The following MSN variants were observed in gnomAD, a reference collection of about 807,000 sequenced individuals.
The protein encoded by MSN is epididymis luminal protein 70.
In MSN, 2 loss-of-function variants were observed where a neutral mutation model predicts 48.0. That is an observed-to-expected ratio of 0.04 (90% CI 0.02 to 0.13). The LOEUF is 0.13. Ranked by LOEUF, MSN falls within the 10% of genes least tolerant of loss-of-function variation. MSN has a pLI of 1.00. For missense variants in MSN, 267 were observed against 470.1 expected, an observed-to-expected ratio of 0.57 and a Z score of 3.99; for synonymous variants, 146 against 166.9, an observed-to-expected ratio of 0.87 and a Z score of 0.97.
At chrX:65,713,933 C>T (rs1351210688) in intron 1 of MSN, among the ~76,000 whole-genome samples, 1 of 111,433 alleles carries the variant, frequency 9.0e-6, no homozygotes, top group Non-Finnish European at 1.9e-5. Context: ...GTGTGCACCA[C>T]CTTGCCTGGC....
In MSN at chrX:65,703,097, C is replaced by T. The variant is rs2071325053; in HGVS notation, c.13-13721C>T. 2.7e-5 allele frequency among the ~76,000 whole-genome samples: 3 copies of T among 111,541 alleles called. No individual in the cohort carries two copies. In the South Asian group the frequency reaches 1.1e-3, roughly 42 times the overall value. On this transcript the variant is annotated intron_variant, in intron 1 of 12. Coordinates refer to ENST00000360270, the MANE Select transcript of MSN (RefSeq NM_002444.3). ...TCTTTAGAGGTCTTCTTGGGCAGCCCCTAGCCCTCTGTAGTGAAACAGGTT... is the reference window on the plus strand; with the variant it reads ...TCTTTAGAGGTCTTCTTGGGCAGCCTCTAGCCCTCTGTAGTGAAACAGGTT...
chrX:65,635,115 T>C (rs2070589024), intron 1 of MSN, among the ~76,000 whole-genome samples: 1 of 112,100 alleles, frequency 8.9e-6, no homozygotes, highest in African/African-American at 3.2e-5. Flanking sequence ...TCTTGTCCGC[T>C]GTATTCTTTC....
chrX:65,736,760 T>C, intron 8 of MSN, 35 bp from the exon 9 acceptor site: 1 of 1,160,278 alleles, frequency 8.6e-7, no homozygotes, highest in Non-Finnish European at 1.2e-6. Flanking sequence ...TGGAGCGTTG[T>C]TATCCTGTTC....
At chrX:65,627,653 C>T (rs1248202546) in intron 1 of MSN, among the ~76,000 whole-genome samples, 1 of 110,623 alleles carries the variant, frequency 9.0e-6, no homozygotes, top group African/African-American at 3.3e-5. Context: ...TATCATTTTG[C>T]CCCAGTCCCC....
At chrX:65,638,247 G>T (rs911239882) in intron 1 of MSN, among the ~76,000 whole-genome samples, 1 of 112,158 alleles carries the variant, frequency 8.9e-6, no homozygotes, top group African/African-American at 3.2e-5. Flanking sequence ...GTACATGCTG[G>T]TCCCTCTGCC....
chrX:65,704,370 C>T (rs915309640), intron 1 of MSN, among the ~76,000 whole-genome samples: 3 of 112,190 alleles, frequency 2.7e-5, no homozygotes, highest in African/African-American at 3.2e-5. Context: ...AATTCCCTTC[C>T]TCTTTCTCTG....
At chrX:65,665,051 T>C (rs12387536), upstream of MSN, among the ~76,000 whole-genome samples, 23,554 of 110,229 alleles carry the variant, frequency 0.21, 6,247 homozygotes, top group African/African-American at 0.74. Flanking sequence ...CACCTGGTCC[T>C]TGTTTCCCTT....
intron 1 of MSN, among the ~76,000 whole-genome samples, chrX:65,607,748 C>G (rs1399698153): frequency 1.8e-5 from 2 of 110,955 alleles, no homozygotes; most frequent in Non-Finnish European, 3.8e-5. Flanking sequence ...CAATTCTGCC[C>G]TATCCTGAGC....
chrX:65,670,145 T>A (rs1439429535), intron 1 of MSN, among the ~76,000 whole-genome samples: 3 of 112,175 alleles, frequency 2.7e-5, no homozygotes, highest in Non-Finnish European at 5.6e-5. Context: ...AGGTGCCTTC[T>A]GTTACTTTTC....
chrX:65,724,147 CTT>C (rs761089353), intron 2 of MSN, among the ~76,000 whole-genome samples: 10 of 99,136 alleles, frequency 1.0e-4, no homozygotes, highest in Non-Finnish European at 1.2e-4. Flanking sequence ...CTCTCTCTCT[CTT>C]TTTTTTTTTT....
At chrX:65,609,194 G>A in intron 1 of MSN, among the ~76,000 whole-genome samples, 1 of 107,274 alleles carries the variant, frequency 9.3e-6, no homozygotes, top group Non-Finnish European at 1.9e-5. Flanking sequence ...AAGCCAATCA[G>A]ACAGGCCTGG....
intron 1 of MSN, among the ~76,000 whole-genome samples, chrX:65,639,887 T>C (rs1010348363): frequency 3.6e-5 from 4 of 111,774 alleles, no homozygotes; most frequent in Non-Finnish European, 7.5e-5. Context: ...ACTTACTGTT[T>C]GCCAGCTACT....
In MSN at chrX:65,597,672, A is replaced by G. The variant is rs181202134; in HGVS notation, c.-22+9060A>G. On this transcript the variant is annotated intron_variant, in intron 1 of 3. Coordinates refer to the MSN transcript ENST00000609672. ...CCAATAGTGCTTTTTGGCTGGAGAC[A>G]TTGAATCAATTTTATAACCTTTTCA... 1.4e-3 allele frequency among the ~76,000 whole-genome samples: 154 copies of G among 112,085 alleles called. 1 individual carries two copies. The highest frequency in any genetic ancestry group is 4.6e-3 in the Middle Eastern group (1 of 219).
At chrX:65,731,547 CAATG>C (rs754391586) in intron 5 of MSN, among the ~76,000 whole-genome samples, 1 of 110,847 alleles carries the variant, frequency 9.0e-6, no homozygotes, top group Non-Finnish European at 1.9e-5. Flanking sequence ...GAGGCTGTCA[CAATG>C]AATGAGAGAA....
At chrX:65,608,171 G>T (rs777318538) in intron 1 of MSN, among the ~76,000 whole-genome samples, 53 of 111,419 alleles carry the variant, frequency 4.8e-4, no homozygotes, top group Admixed American at 1.4e-3. Context: ...TACAATCTTT[G>T]GATATGGGCT....
At chrX:65,635,246 G>C (rs1290199666) in intron 1 of MSN, among the ~76,000 whole-genome samples, 1 of 110,464 alleles carries the variant, frequency 9.1e-6, no homozygotes, top group African/African-American at 3.3e-5. Context: ...CCATACTCCA[G>C]TCTCTCCTTT....
chrX:65,634,468 CTGGGCCCAG>C (rs1309666495), intron 1 of MSN, among the ~76,000 whole-genome samples: 3 of 110,490 alleles, frequency 2.7e-5, no homozygotes, highest in African/African-American at 9.9e-5. Context: ...CAAAAATTAG[CTGGGCCCAG>C]TGGCACACAC....
In MSN at chrX:65,712,230, C is replaced by T. The variant is rs754856021; in HGVS notation, c.13-4588C>T. ...CACTGGGGTACTTGCCTTACTTGTT[C>T]CTGCCTTCAGGGCCTTTCCTGTCCC... On this transcript the variant is annotated intron_variant, in intron 1 of 12. Transcript: ENST00000360270. 6.5e-4 allele frequency among the ~76,000 whole-genome samples: 73 copies of T among 111,813 alleles called. No homozygotes were observed. In the Middle Eastern group the frequency reaches 0.014, roughly 21 times the overall value.
chrX:65,736,130 G>T (rs1002863824), intron 8 of MSN, among the ~76,000 whole-genome samples: 1 of 111,982 alleles, frequency 8.9e-6, no homozygotes, highest in East Asian at 2.8e-4. Context: ...CTTCATCCCA[G>T]CACAGAGCCA....
Sources: allele counts gnomAD v4.1 joint callset (sites outside exome capture counted in the v4.1 genomes callset), GRCh38; gene constraint gnomAD v4.1.1; transcripts MANE v1.5; gene names NCBI Gene and HGNC (gene_info 2026-07-23, HGNC 2026-07-21).